Variants in CDC42BPB observed in about 807,000 individuals in gnomAD.
The protein encoded by CDC42BPB is CDC42 binding protein kinase beta, also known as serine/threonine-protein kinase MRCK beta.
A neutral mutation model predicts 214.9 loss-of-function variants in CDC42BPB; 37 were observed. The ratio of observed to expected loss-of-function variants is 0.17; its 90% confidence interval spans 0.13 to 0.23. The LOEUF (loss-of-function observed/expected upper bound fraction) is 0.23, where lower values mean the gene tolerates loss of function less well. CDC42BPB is among the 10% of genes least tolerant of loss of function. CDC42BPB has a pLI of 1.00. For missense variants in CDC42BPB, 1,694 were observed against 2,227.0 expected, an observed-to-expected ratio of 0.76 and a Z score of 4.82; for synonymous variants, 931 against 884.0, an observed-to-expected ratio of 1.05 and a Z score of -0.94.
At chr14:103,049,715 C>T (rs938093519) in intron 1 of CDC42BPB, among the ~76,000 whole-genome samples, 1 of 152,130 alleles carries the variant, frequency 6.6e-6, no homozygotes, top group African/African-American at 2.4e-5. Flanking sequence ...TTAACCTTAA[C>T]TTTTTTTATT....
chr14:103,025,611 C>T (rs1480427137), intron 1 of CDC42BPB, among the ~76,000 whole-genome samples: 5 of 151,032 alleles, frequency 3.3e-5, no homozygotes, highest in African/African-American at 9.7e-5. Context: ...TGAGGTCAGA[C>T]GTTCAAGACT....
chr14:102,998,845 T>G (rs1038520892), intron 5 of CDC42BPB, among the ~76,000 whole-genome samples: 1 of 151,892 alleles, frequency 6.6e-6, no homozygotes, highest in Non-Finnish European at 1.5e-5. Context: ...ACACGAGACA[T>G]TTCAGGGTGG....
Position 102,968,841 on chromosome 14 carries a change from C to T in CDC42BPB, c.1996-125G>A, listed in dbSNP as rs1221123395. 9 of 1,506,628 alleles carry T rather than the reference C, an allele frequency of 6.0e-6. No individual in the cohort carries two copies. In the Admixed American group the frequency reaches 6.7e-5, roughly 11 times the overall value. 93.3% of individuals were successfully genotyped at this position (1,506,628 alleles called of 1,614,324 possible). ...CCAAGGACTGTGTGTGCCTGGTCTACACCAGATGACGTAGCTGACCTGGCT... is the reference window on the plus strand; with the variant it reads ...CCAAGGACTGTGTGTGCCTGGTCTATACCAGATGACGTAGCTGACCTGGCT... On this transcript the variant is annotated intron_variant, in intron 14 of 36. Coordinates refer to ENST00000361246, the MANE Select transcript of CDC42BPB (RefSeq NM_006035.4).
intron 5 of CDC42BPB, among the ~76,000 whole-genome samples, chr14:102,992,072 C>A (rs1894518083): frequency 6.6e-6 from 1 of 152,156 alleles, no homozygotes; most frequent in Non-Finnish European, 1.5e-5. Context: ...CTAGAACATT[C>A]TGTCACTGTG....
In CDC42BPB at chr14:102,944,218, T is replaced by G; in HGVS notation, c.4081A>C (p.Lys1361Gln). The G allele has an allele frequency of 6.2e-7, 1 of 1,613,318 alleles. No individual in the cohort carries two copies. ...LILCYEIQRT[K>Q]PFHRKFNEIV... ...TCATTGAACTTTCTGTGGAATGGCT[T>G]CGTTCTCTGGATCTCATAGCAAAGG... Residue 1361 changes from lysine (K) to glutamine (Q), a missense_variant, in exon 30 of 37, where the codon AAG (lysine) becomes CAG (glutamine). This residue lies in a region of CDC42BPB where 567 missense variants were observed against 790.3 expected (regional missense o/e 0.72). Coordinates refer to ENST00000361246, the MANE Select transcript of CDC42BPB (RefSeq NM_006035.4). This position sits in a 1 kb window ranked among gnomAD's most constrained non-coding sequence, Gnocchi z 6.6.
intron 8 of CDC42BPB, among the ~76,000 whole-genome samples, chr14:102,980,244 C>T (rs1893936646): frequency 1.3e-5 from 2 of 152,216 alleles, no homozygotes; most frequent in African/African-American, 4.8e-5. Context: ...CCTATAATCC[C>T]AGCACTTTGG....
intron 4 of CDC42BPB, among the ~76,000 whole-genome samples, chr14:103,003,508 C>A (rs34846220): frequency 4.6e-5 from 7 of 152,240 alleles, no homozygotes; most frequent in African/African-American, 1.7e-4. Context: ...GGGCACCCCC[C>A]CCACCGCGGG....
At chr14:103,049,867 C>T (rs1412956380) in intron 1 of CDC42BPB, among the ~76,000 whole-genome samples, 1 of 152,186 alleles carries the variant, frequency 6.6e-6, no homozygotes, top group Non-Finnish European at 1.5e-5. Context: ...GCGTGCGCCA[C>T]CAGCCCGGCT....
At chr14:103,035,855 T>A (rs913415726) in intron 1 of CDC42BPB, among the ~76,000 whole-genome samples, 70 of 147,108 alleles carry the variant, frequency 4.8e-4, no homozygotes, top group African/African-American at 1.6e-3. Context: ...AAATAAAAAA[T>A]AAAAAAAAAT....
chr14:103,056,441 G>C (rs2139807022), intron 1 of CDC42BPB, among the ~76,000 whole-genome samples: 1 of 152,308 alleles, frequency 6.6e-6, no homozygotes, highest in Non-Finnish European at 1.5e-5. Flanking sequence ...ATGCAAGGGG[G>C]TCCCACGGGG....
At chr14:102,947,576 G>A (rs550732385) in intron 27 of CDC42BPB, 145 bp downstream of exon 27, 73 of 726,382 alleles carry the variant, frequency 1.0e-4, no homozygotes, top group East Asian at 6.9e-4. Flanking sequence ...AGGACGGGAC[G>A]CACAAGGACC....
chr14:102,979,373 G>A (rs1467987688), intron 8 of CDC42BPB, among the ~76,000 whole-genome samples: 3 of 152,094 alleles, frequency 2.0e-5, no homozygotes, highest in Non-Finnish European at 2.9e-5. Context: ...TATCATGCCC[G>A]GCTAATTTTT....
In CDC42BPB at chr14:102,968,693, C is replaced by T. The variant is rs371133256; in HGVS notation, c.2019G>A (p.Ala673=). The change falls in exon 15 of 37, where the codon GCG becomes GCA. Residue 673 remains alanine (A), a synonymous_variant. Transcript: ENST00000361246. Reference sequence around the variant, plus strand: ...CTTGCTGGTGCTCTAAGGTGGCACCCGCTCCCCGGCCTCCTTGCTTCACCT... The same window carrying T: ...CTTGCTGGTGCTCTAAGGTGGCACCTGCTCCCCGGCCTCCTTGCTTCACCT... The part of the protein sequence containing the change: ...ALKVKQGGRG[A]GATLEHQQEI... 1.5e-5 allele frequency: 24 copies of T among 1,614,028 alleles called. No individual in the cohort carries two copies. In the African/African-American group the frequency reaches 2.3e-4, roughly 15 times the overall value.
At chr14:102,985,120 T>C (rs1209896942) in intron 6 of CDC42BPB, among the ~76,000 whole-genome samples, 2 of 150,662 alleles carry the variant, frequency 1.3e-5, no homozygotes, top group Non-Finnish European at 2.9e-5. Context: ...ACCCATGTTC[T>C]GGTTATACCG....
chr14:102,999,448 C>A, intron 5 of CDC42BPB, 117 bp downstream of exon 5: 2 of 952,190 alleles, frequency 2.1e-6, no homozygotes, highest in Non-Finnish European at 3.3e-6. Context: ...TGCGGCAGCT[C>A]AAAGTGGGGA....
At chr14:102,959,752 A>G in intron 20 of CDC42BPB, 42 bp from the exon 21 acceptor site, 1 of 1,572,826 alleles carries the variant, frequency 6.4e-7, no homozygotes. Flanking sequence ...AAAAAACTAA[A>G]GTCTACATAT....
chr14:102,966,653 C>G (rs1024610564), intron 17 of CDC42BPB: 2 of 290,416 alleles, frequency 6.9e-6, no homozygotes, highest in Non-Finnish European at 1.0e-5. Flanking sequence ...ATACCTACTA[C>G]GCACCCACAA....
intron 21 of CDC42BPB, among the ~76,000 whole-genome samples, chr14:102,958,341 T>C (rs980378345): frequency 5.9e-5 from 9 of 152,214 alleles, no homozygotes; most frequent in Middle Eastern, 3.4e-3. Context: ...TCTCTTATGT[T>C]GAGAGAGAGA....
chr14:102,977,056 T>C (rs1345839384), intron 9 of CDC42BPB, among the ~76,000 whole-genome samples: 2 of 152,060 alleles, frequency 1.3e-5, no homozygotes, highest in Non-Finnish European at 2.9e-5. Context: ...AGTATGGGGA[T>C]ATCAGCCGGG....
Sources: allele counts gnomAD v4.1 joint callset (sites outside exome capture counted in the v4.1 genomes callset), GRCh38; gene constraint gnomAD v4.1.1; regional missense constraint gnomAD v4.1.1; non-coding constraint Gnocchi (gnomAD v3.1); transcripts MANE v1.5; gene names NCBI Gene and HGNC (gene_info 2026-07-23, HGNC 2026-07-21).